Variants in DDX11 observed in about 807,000 individuals in gnomAD.
DDX11 encodes ATP-dependent DNA helicase DDX11.
In DDX11, 72 loss-of-function variants were observed where a neutral mutation model predicts 125.2. The observed-to-expected ratio is 0.58, with a 90% CI of 0.48 to 0.70. DDX11 has a LOEUF of 0.70. Among genes scored for constraint, DDX11 ranks in the 30% least tolerant of loss-of-function variants. The pLI is 0.00. For synonymous variants in DDX11, 347 were observed against 452.6 expected (o/e 0.77, Z 2.96); for missense variants, 883 against 1,165.0 (o/e 0.76, Z 3.52).
chr12:31,087,165 G>A (rs61917217), intron 5 of DDX11, among the ~76,000 whole-genome samples: 17 of 146,422 alleles, frequency 1.2e-4, no homozygotes, highest in African/African-American at 4.1e-4. Flanking sequence ...GATTCTTCCC[G>A]CATTGCTGGG....
chr12:31,101,467 G>T (rs1469810357), intron 20 of DDX11: 2 of 500,714 alleles, frequency 4.0e-6, no homozygotes, highest in Non-Finnish European at 7.3e-6. Context: ...GGGATGTGGG[G>T]CTTGGGGGCA....
chr12:31,096,999 G>T lies in DDX11; in HGVS notation c.1762+9G>T. The T allele has an allele frequency of 6.2e-7, 1 of 1,613,368 alleles. No individual in the cohort carries two copies. The highest frequency in any genetic ancestry group is 1.1e-5 in the South Asian group (1 of 90,788). ...CATCCTGAGCCGCCAAGGTAATCAG[G>T]TGGTTCTTGGCCAGGTTCAGTTCCC... On this transcript the variant is annotated intron_variant, in intron 17 of 26. Coordinates refer to ENST00000542838, the MANE Select transcript of DDX11 (RefSeq NM_030653.4).
intron 1 of DDX11, among the ~76,000 whole-genome samples, chr12:31,076,276 T>C (rs767514356): frequency 1.3e-5 from 2 of 151,976 alleles, no homozygotes; most frequent in Admixed American, 1.3e-4. Flanking sequence ...GGGAGTGAGA[T>C]TGTGGCTGTA....
intron 9 of DDX11, chr12:31,091,165 C>G (rs1298038163): frequency 1.3e-5 from 2 of 152,394 alleles, no homozygotes; most frequent in African/African-American, 4.8e-5. Flanking sequence ...ATGAGTATTC[C>G]TTTAACTGGA....
At chr12:31,078,649 C>T (rs1941193199) in intron 2 of DDX11, 112 bp downstream of exon 2, 4 of 1,465,774 alleles carry the variant, frequency 2.7e-6, no homozygotes, top group Non-Finnish European at 1.9e-6. Flanking sequence ...GCAGAGTAGT[C>T]TCTGTTTATC....
intron 14 of DDX11, among the ~76,000 whole-genome samples, chr12:31,095,536 T>G (rs1945071342): frequency 6.6e-6 from 1 of 152,214 alleles, no homozygotes. Context: ...TGCCTTTTTT[T>G]TCTTAAAACC....
At position 31,078,486 on chromosome 12, in the gene DDX11, C is replaced by A; in HGVS notation, c.93C>A (p.Tyr31Ter). ...SIQEDFMAELYRVLEAGKIGI... is the reference protein window; with the variant it reads ...SIQEDFMAEL The stretch of plus-strand genomic sequence containing the variant: ...AGGAAGACTTCATGGCAGAGCTGTA[C>A]CGGGTTTTGGAGGCTGGCAAGATTG... Residue 31 changes from tyrosine (Y) to a stop codon, truncating the protein, a stop_gained, in exon 2 of 27, where the codon TAC becomes TAA. Transcript: ENST00000542838. LOFTEE classifies it high-confidence loss of function. 1 of 1,611,726 alleles carries A rather than the reference C, an allele frequency of 6.2e-7. No homozygotes were observed. Among genetic ancestry groups the A allele is most frequent in the East Asian group, 2.2e-5 (1 of 44,864 alleles).
chr12:31,096,209 G>T, intron 14 of DDX11, 132 bp from the exon 15 acceptor site: 1 of 1,104,938 alleles, frequency 9.1e-7, no homozygotes, highest in South Asian at 1.4e-5. Flanking sequence ...TGGCAAGGAG[G>T]CTCCAGGTGC....
intron 11 of DDX11, 41 bp from the exon 12 acceptor site, chr12:31,093,204 A>T (rs753119737): frequency 1.3e-6 from 2 of 1,588,070 alleles, no homozygotes; most frequent in South Asian, 2.3e-5. Flanking sequence ...GCGAGTCGCC[A>T]TCAGGGCACC....
intron 7 of DDX11, 54 bp from the exon 8 acceptor site, chr12:31,089,349 G>T: frequency 6.3e-7 from 1 of 1,593,492 alleles, no homozygotes; most frequent in Non-Finnish European, 8.6e-7. Flanking sequence ...GTGTTGGTAG[G>T]ATGTCATTTA....
chr12:31,097,679 CAAA>C (rs10676316), intron 17 of DDX11, among the ~76,000 whole-genome samples: 1 of 93,180 alleles, frequency 1.1e-5, no homozygotes, highest in Non-Finnish European at 2.1e-5. Context: ...GACTCCATCT[CAAA>C]AAAAAAAAAA....
intron 5 of DDX11, chr12:31,087,702 G>A (rs1395174880): frequency 1.1e-5 from 7 of 653,548 alleles, no homozygotes; most frequent in South Asian, 3.3e-5. Context: ...ACTTGGGTTG[G>A]GGGTGCTGAG....
chr12:31,091,365 T>C (rs2543279), intron 9 of DDX11: 98,944 of 209,032 alleles, frequency 0.47, 25,250 homozygotes, highest in East Asian at 0.79. Context: ...GCTCCAGGAG[T>C]AGAAGCTGGG....
intron 20 of DDX11, 155 bp from the exon 21 acceptor site, chr12:31,101,678 G>A (rs1463765783): frequency 2.9e-5 from 28 of 949,892 alleles, no homozygotes; most frequent in Non-Finnish European, 3.9e-5. Flanking sequence ...CTACCACCCC[G>A]TGGTTCCCAC....
rs758724627 is a variant in DDX11, at chr12:31,089,946, C to G, written c.941C>G (p.Ala314Gly). ...PKRRRQEKQA[A>G]CPFYNHEQMG... ...AGGAGGAGGCAGGAGAAGCAGGCAG[C>G]CTGCCCCTTCTACAACCACGAGCAG... is the stretch of plus-strand genomic sequence containing the variant. Residue 314 changes from alanine to glycine, a missense_variant, in exon 9 of 27, where the codon GCC (alanine) becomes GGC (glycine). Transcript: ENST00000542838. 5 of 1,601,994 alleles carry G rather than the reference C, an allele frequency of 3.1e-6. No homozygotes were observed. In the East Asian group the frequency reaches 1.1e-4, roughly 36 times the overall value.
rs752044834 is a variant in DDX11 at position 31,096,674 on chromosome 12, C to T, written c.1559C>T (p.Ser520Leu). 3.7e-6 allele frequency: 6 copies of T among 1,613,916 alleles called. No individual in the cohort carries two copies. Among genetic ancestry groups the T allele is most frequent in the Admixed American group, 1.7e-5 (1 of 60,000 alleles). ...GFTERYGAVFSSREQPKLAGF... is the reference protein window; with the variant it reads ...GFTERYGAVFLSREQPKLAGF... ...ACTGAACGGTACGGAGCAGTGTTCT[C>T]ATCCCGGGAGCAGCCCAAACTGGCT... The change falls in exon 16 of 27, where the codon TCA (serine) becomes TTA (leucine). Residue 520 changes from serine to leucine, a missense_variant. This residue lies in a region of DDX11 where 241 missense variants were observed against 279.7 expected (regional missense o/e 0.86). Transcript: ENST00000542838.
chr12:31,102,812 A>T (rs1471927251), intron 23 of DDX11, 124 bp from the exon 24 acceptor site: 10 of 838,780 alleles, frequency 1.2e-5, no homozygotes, highest in Non-Finnish European at 2.0e-5. Context: ...GAGTGGAGAG[A>T]GGCTGAGTTT....
rs1383164788 is a variant in DDX11 at position 31,102,874 on chromosome 12, C to T, written c.2373-62C>T. 2.6e-5 allele frequency: 39 copies of T among 1,477,798 alleles called. No individual in the cohort carries two copies. In the East Asian group the frequency reaches 8.4e-4, roughly 32 times the overall value. 91.5% of individuals were successfully genotyped at this position (1,477,798 alleles called of 1,614,324 possible). ...AGGGGTAGAACGGAGCAGCTGGTGA[C>T]GTGGGTGATGACCCGGGAGGTCCTG... On this transcript the variant is annotated intron_variant, in intron 23 of 26. Coordinates refer to ENST00000542838, the MANE Select transcript of DDX11 (RefSeq NM_030653.4).
chr12:31,089,865 T>C (rs1394866545), intron 8 of DDX11, 21 bp from the exon 9 acceptor site: 21 of 1,610,052 alleles, frequency 1.3e-5, no homozygotes, highest in Middle Eastern at 2.2e-4. Context: ...TTTTCTCTCT[T>C]TGTGCCTGTG....
Sources: gnomAD v4.1 joint callset for allele counts (sites outside exome capture counted in the v4.1 genomes callset) on GRCh38, gnomAD v4.1.1 for gene constraint, gnomAD v4.1.1 regional missense constraint, MANE v1.5 for transcripts, NCBI Gene and HGNC (gene_info 2026-07-23, HGNC 2026-07-21) for gene names.